Variants in PITPNC1 observed in about 807,000 individuals in gnomAD.
The protein encoded by PITPNC1 is cytoplasmic phosphatidylinositol transfer protein 1.
PITPNC1 carries 18 observed loss-of-function variants against 44.7 expected under a neutral mutation model. That is an observed-to-expected ratio of 0.40 (90% CI 0.28 to 0.60). The LOEUF is 0.60. Among genes scored for constraint, PITPNC1 ranks in the 20% least tolerant of loss-of-function variants. The probability of loss-of-function intolerance (pLI) is 0.39; values close to 1 mark genes in which losing one functional copy is unlikely to be tolerated. For missense variants in PITPNC1, 290 were observed against 418.4 expected, an observed-to-expected ratio of 0.69 and a Z score of 2.68; for synonymous variants, 141 against 149.6, an observed-to-expected ratio of 0.94 and a Z score of 0.42.
At chr17:67,629,468 G>T (rs1443622358) in intron 5 of PITPNC1, among the ~76,000 whole-genome samples, 3 of 152,050 alleles carry the variant, frequency 2.0e-5, no homozygotes, top group Admixed American at 2.0e-4. Flanking sequence ...CATCATGTTG[G>T]CCAGGCTGGT....
chr17:67,500,812 T>G (rs904040894), intron 1 of PITPNC1, among the ~76,000 whole-genome samples: 3 of 151,038 alleles, frequency 2.0e-5, no homozygotes, highest in Non-Finnish European at 3.0e-5. Flanking sequence ...GCCTCCCGAG[T>G]AGCTGGGACC....
Position 67,522,311 on chromosome 17 carries a change from C to CA in PITPNC1, c.49-10481dup, listed in dbSNP as rs916350552. On this transcript the variant is annotated intron_variant, in intron 1 of 8. Transcript: ENST00000581322. ...AGAGTGAAACTCCATCCCCCACCACCAAAAAAAAAAGACATCTAGGCTTAG... is the reference window on the plus strand; with the variant it reads ...AGAGTGAAACTCCATCCCCCACCACCAAAAAAAAAAAGACATCTAGGCTTAG... Among the ~76,000 whole-genome samples the CA allele has an allele frequency of 5.1e-4, 74 of 145,730 alleles. No individual in the cohort carries two copies. In the South Asian group the frequency reaches 0.01, roughly 20 times the overall value.
At chr17:67,472,867 C>T (rs183011263) in intron 1 of PITPNC1, among the ~76,000 whole-genome samples, 91 of 150,888 alleles carry the variant, frequency 6.0e-4, no homozygotes, top group Admixed American at 3.6e-3. Context: ...AAACCAGCAC[C>T]ATAATTAATG....
intron 6 of PITPNC1, among the ~76,000 whole-genome samples, chr17:67,668,944 A>C (rs2042468039): frequency 6.6e-6 from 1 of 152,232 alleles, no homozygotes; most frequent in South Asian, 2.1e-4. Context: ...TGTGCAATTC[A>C]GTGGTTTTTC....
intron 1 of PITPNC1, among the ~76,000 whole-genome samples, chr17:67,501,486 C>T (rs550934370): frequency 2.6e-5 from 4 of 152,094 alleles, no homozygotes; most frequent in Middle Eastern, 3.2e-3. Flanking sequence ...TATTTTGCAA[C>T]CTTTTGGATG....
chr17:67,457,274 G>C (rs1007712396), intron 1 of PITPNC1: 1 of 152,272 alleles, frequency 6.6e-6, no homozygotes, highest in African/African-American at 2.4e-5. Context: ...CTATAGTCTC[G>C]TGCCGCCAAA....
intron 4 of PITPNC1, among the ~76,000 whole-genome samples, chr17:67,573,775 G>A (rs2041096538): frequency 6.6e-6 from 1 of 151,790 alleles, no homozygotes; most frequent in African/African-American, 2.4e-5. Context: ...TGGCCAGCCT[G>A]GTCTTGAACT....
intron 1 of PITPNC1, among the ~76,000 whole-genome samples, chr17:67,496,338 G>GA (rs2039952059): frequency 2.0e-5 from 3 of 152,120 alleles, no homozygotes; most frequent in Non-Finnish European, 4.4e-5. Context: ...TAAATTACAT[G>GA]AAAAATAGTT....
chr17:67,425,178 C>G (rs1362242502), intron 1 of PITPNC1, among the ~76,000 whole-genome samples: 1 of 139,126 alleles, frequency 7.2e-6, no homozygotes, highest in Non-Finnish European at 1.5e-5. Context: ...AAATAAACAG[C>G]CATGTTGTGC....
intron 1 of PITPNC1, among the ~76,000 whole-genome samples, chr17:67,469,243 TGAG>T (rs1415202885): frequency 6.6e-6 from 1 of 152,142 alleles, no homozygotes; most frequent in Non-Finnish European, 1.5e-5. Flanking sequence ...GTAGACACTG[TGAG>T]AACTTCCTTT....
intron 1 of PITPNC1, among the ~76,000 whole-genome samples, chr17:67,440,588 G>C (rs926358030): frequency 1.1e-4 from 17 of 151,414 alleles, no homozygotes; most frequent in Non-Finnish European, 1.9e-4. Context: ...CTGGAGTGCA[G>C]TGGTGCCATC....
In PITPNC1 at chr17:67,609,468, T is replaced by C. The variant is rs1040046193; in HGVS notation, c.367-22675T>C. Among the ~76,000 whole-genome samples the C allele has an allele frequency of 2.0e-5, 3 of 151,938 alleles. No individual in the cohort carries two copies. The South Asian group carries it at 6.2e-4, about 32-fold the overall frequency. On this transcript the variant is annotated intron_variant, in intron 5 of 8. Transcript: ENST00000581322. The stretch of plus-strand genomic sequence containing the variant: ...CCATGCCCGGCTAACTTTTGTATTC[T>C]TAATAGAGACGGGATTTCACCATGT...
chr17:67,653,980 C>T (rs1374303941), intron 6 of PITPNC1, among the ~76,000 whole-genome samples: 2 of 152,162 alleles, frequency 1.3e-5, no homozygotes, highest in East Asian at 3.8e-4. Context: ...GTACATGCAC[C>T]GTTCAAGGAG....
Position 67,692,234 on chromosome 17 carries a change from C to T in PITPNC1, c.683-338C>T, listed in dbSNP as rs148959617. Among the ~76,000 whole-genome samples the T allele has an allele frequency of 4.6e-5, 7 of 152,238 alleles. No homozygotes were observed. In the East Asian group the frequency reaches 9.6e-4, roughly 21 times the overall value. On this transcript the variant is annotated intron_variant, in intron 8 of 8. Coordinates refer to ENST00000581322, the MANE Select transcript of PITPNC1 (RefSeq NM_012417.4). ...AGACCCACAACAACACAGATGCACA[C>T]GGGTGCACACACATACACACACACA...
chr17:67,446,494 C>G (rs986845750), intron 1 of PITPNC1, among the ~76,000 whole-genome samples: 2 of 147,252 alleles, frequency 1.4e-5, no homozygotes, highest in African/African-American at 5.0e-5. Flanking sequence ...GAGTATGGTA[C>G]AAAAATAATT....
chr17:67,630,717 C>CT (rs113540590), intron 5 of PITPNC1, among the ~76,000 whole-genome samples: 4,670 of 144,226 alleles, frequency 0.032, 69 homozygotes, highest in Non-Finnish European at 0.036. Context: ...GAAATTTAGA[C>CT]TTTTTTTTTT....
chr17:67,681,469 G>A (rs908225004), intron 8 of PITPNC1, among the ~76,000 whole-genome samples: 4 of 151,764 alleles, frequency 2.6e-5, no homozygotes, highest in Non-Finnish European at 5.9e-5. Context: ...AAATTAGCTG[G>A]ACATGATGGT....
rs186104744 is a variant in PITPNC1, at chr17:67,569,089, A to C, written c.295-9097A>C. 2.8e-5 allele frequency among the ~76,000 whole-genome samples: 4 copies of C among 143,440 alleles called. No homozygotes were observed. In the East Asian group the frequency reaches 8.6e-4, roughly 31 times the overall value. The allele number at this position is 143,440 out of a possible 152,430, so 94.1% of individuals were successfully genotyped here. On this transcript the variant is annotated intron_variant, in intron 4 of 8. Coordinates refer to ENST00000581322, the MANE Select transcript of PITPNC1 (RefSeq NM_012417.4). Reference sequence around the variant, plus strand: ...TGCAGCCACTATCGTCTCTCTCCCTATGCAGGTGCTGAGACAGAAATAAGG... The same window carrying C: ...TGCAGCCACTATCGTCTCTCTCCCTCTGCAGGTGCTGAGACAGAAATAAGG...
chr17:67,675,010 CAAA>C (rs11372163), intron 7 of PITPNC1, among the ~76,000 whole-genome samples: 12 of 114,090 alleles, frequency 1.1e-4, no homozygotes, highest in Non-Finnish European at 1.1e-4. Context: ...GACTCTGTCT[CAAA>C]AAAAAAAAAA....
Sources: allele counts gnomAD v4.1 joint callset (sites outside exome capture counted in the v4.1 genomes callset), GRCh38; gene constraint gnomAD v4.1.1; transcripts MANE v1.5; gene names NCBI Gene and HGNC (gene_info 2026-07-23, HGNC 2026-07-21).